The following CCDC178 variants were observed in gnomAD, a reference collection of about 807,000 sequenced individuals.
The protein encoded by CCDC178 is coiled-coil domain containing 178.
CCDC178 carries 126 observed loss-of-function variants against 117.4 expected under a neutral mutation model. The observed-to-expected ratio is 1.07, with a 90% CI of 0.93 to 1.24. The LOEUF is 1.24. Among genes scored for constraint, CCDC178 ranks in the 50% most tolerant of loss-of-function variants. CCDC178 has a pLI of 0.00. For synonymous variants in CCDC178, 283 were observed against 313.4 expected (o/e 0.90, Z 1.02); for missense variants, 1,030 against 986.9 (o/e 1.04, Z -0.59).
chr18:33,022,147 A>C (rs1370715104), intron 21 of CCDC178, among the ~76,000 whole-genome samples: 4 of 152,162 alleles, frequency 2.6e-5, no homozygotes, highest in Non-Finnish European at 4.4e-5. Context: ...TATGAAATGG[A>C]GATAATGTGA....
chr18:33,189,522 T>C (rs576727049), intron 20 of CCDC178, among the ~76,000 whole-genome samples: 2 of 152,212 alleles, frequency 1.3e-5, no homozygotes, highest in Non-Finnish European at 2.9e-5. Flanking sequence ...TAGCCCTGTA[T>C]CTTGGTATTT....
chr18:33,047,610 G>A (rs992785203), intron 21 of CCDC178, among the ~76,000 whole-genome samples: 7 of 152,066 alleles, frequency 4.6e-5, no homozygotes, highest in Non-Finnish European at 8.8e-5. Flanking sequence ...AATGAAAAGT[G>A]GTACTTCCAA....
intron 14 of CCDC178, 117 bp downstream of exon 14, chr18:33,266,799 A>T: frequency 9.6e-7 from 1 of 1,045,430 alleles, no homozygotes; most frequent in Non-Finnish European, 1.3e-6. Flanking sequence ...CTTAAATTTT[A>T]AGCTACTGAT....
intron 21 of CCDC178, among the ~76,000 whole-genome samples, chr18:33,084,151 ATTGT>A (rs1567977721): frequency 6.6e-6 from 1 of 152,038 alleles, no homozygotes; most frequent in Middle Eastern, 3.4e-3. Flanking sequence ...TTGTAGCTTT[ATTGT>A]TTGTTTCAGG....
chr18:33,130,662 A>T (rs1292376795), intron 20 of CCDC178, among the ~76,000 whole-genome samples: 1 of 151,968 alleles, frequency 6.6e-6, no homozygotes, highest in African/African-American at 2.4e-5. Context: ...AATAAAAATC[A>T]CTGTGTTCAC....
chr18:33,245,262 C>T lies in CCDC178; in HGVS notation c.1576G>A (p.Val526Met), dbSNP rs1177764152. Residue 526 changes from valine to methionine, a missense_variant, in exon 15 of 23, where the codon GTG becomes ATG. By Grantham distance (21) the Val-to-Met change is conservative (BLOSUM62 1). Transcript: ENST00000383096. ...TACACAACCTTGAACTTTCTTCTCA[C>T]TTCTGCTATTTTATCTTCCATTTCA... is the stretch of plus-strand genomic sequence containing the variant. ...TDEMEDKIAE[V>M]RRKFKGREEF... 1.9e-6 allele frequency: 3 copies of T among 1,587,478 alleles called. No individual in the cohort carries two copies. Among genetic ancestry groups the T allele is most frequent in the Non-Finnish European group, 2.6e-6 (3 of 1,169,890 alleles).
intron 21 of CCDC178, among the ~76,000 whole-genome samples, chr18:33,005,667 T>G (rs1009553441): frequency 1.3e-5 from 2 of 152,102 alleles, no homozygotes; most frequent in African/African-American, 4.8e-5. Flanking sequence ...GGATACCTAA[T>G]TTACTCTGAT....
chr18:33,198,701 C>G (rs1334561798), intron 20 of CCDC178, among the ~76,000 whole-genome samples: 2 of 151,994 alleles, frequency 1.3e-5, no homozygotes, highest in Non-Finnish European at 2.9e-5. Context: ...TTTGTCGATG[C>G]CTTTAGTAAT....
At chr18:33,096,526 A>C (rs577668553) in intron 20 of CCDC178, among the ~76,000 whole-genome samples, 1 of 151,968 alleles carries the variant, frequency 6.6e-6, no homozygotes, top group South Asian at 2.1e-4. Flanking sequence ...TGAGACTTAC[A>C]CAGTCACCTT....
chr18:33,414,867 A>C (rs2063911027), intron 2 of CCDC178, among the ~76,000 whole-genome samples: 1 of 152,222 alleles, frequency 6.6e-6, no homozygotes, highest in Non-Finnish European at 1.5e-5. Context: ...AAAAACAAAC[A>C]ACCCCATCAA....
intron 20 of CCDC178, among the ~76,000 whole-genome samples, chr18:33,113,672 T>C (rs1321761306): frequency 6.6e-6 from 1 of 152,084 alleles, no homozygotes; most frequent in African/African-American, 2.4e-5. Context: ...AAGAAATGTC[T>C]ACCTATTGTG....
At chr18:33,029,594 A>G (rs1343252874) in intron 21 of CCDC178, among the ~76,000 whole-genome samples, 2 of 151,922 alleles carry the variant, frequency 1.3e-5, no homozygotes, top group Non-Finnish European at 2.9e-5. Context: ...ACAGAAAGCT[A>G]TTGATTTGAG....
At chr18:33,166,371 T>C (rs1242167128) in intron 20 of CCDC178, among the ~76,000 whole-genome samples, 3 of 152,204 alleles carry the variant, frequency 2.0e-5, no homozygotes, top group Non-Finnish European at 4.4e-5. Flanking sequence ...TCACAAAATA[T>C]TTTATTGCTT....
At chr18:33,133,648 T>C (rs1403695303) in intron 20 of CCDC178, among the ~76,000 whole-genome samples, 1 of 151,940 alleles carries the variant, frequency 6.6e-6, no homozygotes, top group East Asian at 1.9e-4. Context: ...GTAAACTCCG[T>C]AGACAACTCA....
chr18:33,392,776 C>T (rs1268864497), intron 4 of CCDC178, among the ~76,000 whole-genome samples: 4 of 152,114 alleles, frequency 2.6e-5, no homozygotes, highest in Non-Finnish European at 5.9e-5. Context: ...GCAGAATGAT[C>T]ACTTAAGCCC....
chr18:32,953,081 A>C (rs2054523685), intron 22 of CCDC178, among the ~76,000 whole-genome samples: 1 of 151,992 alleles, frequency 6.6e-6, no homozygotes, highest in Non-Finnish European at 1.5e-5. Flanking sequence ...CAATTTTACG[A>C]ACTTTTATGC....
chr18:33,043,848 T>G (rs1429689310), intron 21 of CCDC178, among the ~76,000 whole-genome samples: 1 of 151,952 alleles, frequency 6.6e-6, no homozygotes, highest in African/African-American at 2.4e-5. Flanking sequence ...GCACATTTTA[T>G]CCTCTCTCAA....
At chr18:33,271,477 T>C (rs1568105001) in intron 12 of CCDC178, among the ~76,000 whole-genome samples, 1 of 151,522 alleles carries the variant, frequency 6.6e-6, no homozygotes, top group Non-Finnish European at 1.5e-5. Context: ...AGTGGCTAGA[T>C]TAATATCAGA....
rs2055111158 is a variant in CCDC178, at chr18:32,979,868, GA to G, written c.2389-5188del. On this transcript the variant is annotated intron_variant, in intron 21 of 22. Coordinates refer to ENST00000383096, the MANE Select transcript of CCDC178 (RefSeq NM_001105528.4). ...AAGAGTAATATTAGGATCATCCAAA[GA>G]GAGCATTTGATCAGCAAAGAGAGCT... is the stretch of plus-strand genomic sequence containing the variant. Among the ~76,000 whole-genome samples, 6 of 152,270 alleles carry G rather than the reference GA, an allele frequency of 3.9e-5. No homozygotes were observed. In the South Asian group the frequency reaches 1.0e-3, roughly 26 times the overall value.
Sources: gnomAD v4.1 joint callset for allele counts (sites outside exome capture counted in the v4.1 genomes callset) on GRCh38, gnomAD v4.1.1 for gene constraint, MANE v1.5 for transcripts, NCBI Gene and HGNC (gene_info 2026-07-23, HGNC 2026-07-21) for gene names.